N4BP1: variants seen among roughly 807,000 people sequenced by gnomAD.
The protein encoded by N4BP1 is NEDD4 binding protein 1.
N4BP1 carries 21 observed loss-of-function variants against 70.9 expected under a neutral mutation model. That is an observed-to-expected ratio of 0.30 (90% CI 0.21 to 0.43). The LOEUF (loss-of-function observed/expected upper bound fraction) is 0.43. Among genes scored for constraint, N4BP1 ranks in the 20% least tolerant of loss-of-function variants. The probability of loss-of-function intolerance (pLI) is 1.00; values close to 1 mark genes in which losing one functional copy is unlikely to be tolerated. For synonymous variants in N4BP1, 387 were observed against 394.6 expected, an observed-to-expected ratio of 0.98 and a Z score of 0.23; for missense variants, 936 against 1,069.4, an observed-to-expected ratio of 0.88 and a Z score of 1.74.
rs756303566 is a variant in N4BP1, at chr16:48,609,865, G to A, written c.108C>T (p.Ala36=). 1.2e-5 allele frequency: 18 copies of A among 1,486,922 alleles called. No homozygotes were observed. The highest frequency in any genetic ancestry group is 1.2e-5 in the Non-Finnish European group (13 of 1,122,348). The allele number at this position is 1,486,922 out of a possible 1,614,324, so 92.1% of individuals were successfully genotyped here. ...CCTCAGCCCCTAGCGCGCCGAGCAC[G>A]GCTAGGCTCACGCCAAACAGGCCCT... ...RIEGLFGVSL[A]VLGALGAEEP... is the part of the protein sequence containing the mutation. The change falls in exon 1 of 7, where the codon GCC becomes GCT. Residue 36 remains alanine (A), a synonymous_variant. Transcript: ENST00000262384.
intron 2 of N4BP1, among the ~76,000 whole-genome samples, chr16:48,558,185 A>G (rs969801048): frequency 1.3e-5 from 2 of 152,100 alleles, no homozygotes; most frequent in African/African-American, 4.8e-5. Context: ...AATTAAGTAC[A>G]AGTCTGTCTT....
At chr16:48,547,339 G>A (rs544625286) in intron 5 of N4BP1, among the ~76,000 whole-genome samples, 1 of 152,292 alleles carries the variant, frequency 6.6e-6, no homozygotes, top group East Asian at 1.9e-4. Context: ...GGTGATACTG[G>A]TTAACCAAAA....
At chr16:48,581,884 C>T (rs1302038208) in intron 1 of N4BP1, among the ~76,000 whole-genome samples, 1 of 152,058 alleles carries the variant, frequency 6.6e-6, no homozygotes, top group Non-Finnish European at 1.5e-5. Flanking sequence ...AGCTTCACGA[C>T]ATTGGTCTGG....
At chr16:48,555,301 CA>C (rs1471985599) in intron 2 of N4BP1, among the ~76,000 whole-genome samples, 2 of 151,794 alleles carry the variant, frequency 1.3e-5, no homozygotes, top group Non-Finnish European at 2.9e-5. Context: ...GTTGCAGAGC[CA>C]GGGGGATGAG....
chr16:48,601,923 T>C (rs1250124590), intron 1 of N4BP1, among the ~76,000 whole-genome samples: 1 of 152,176 alleles, frequency 6.6e-6, no homozygotes, highest in Non-Finnish European at 1.5e-5. Context: ...GTTGTTTCCA[T>C]ATGAAAAACT....
At chr16:48,555,138 T>G (rs1004208828) in intron 2 of N4BP1, among the ~76,000 whole-genome samples, 1 of 152,262 alleles carries the variant, frequency 6.6e-6, no homozygotes, top group Non-Finnish European at 1.5e-5. Flanking sequence ...CTGGCCCGTC[T>G]TCTTCTATGA....
intron 2 of N4BP1, 89 bp downstream of exon 2, chr16:48,560,665 A>T: frequency 6.9e-7 from 1 of 1,448,912 alleles, no homozygotes. Context: ...TATATACAAC[A>T]TGTATGTATA....
chr16:48,579,218 T>G (rs1292578866), intron 1 of N4BP1, among the ~76,000 whole-genome samples: 2 of 152,126 alleles, frequency 1.3e-5, no homozygotes, highest in African/African-American at 4.8e-5. Context: ...GAACAGGAAT[T>G]AGGAGGTTCA....
rs979000244 is a variant in N4BP1, at chr16:48,542,643, A to G, written c.*261T>C. ...GTAAATACACTCAAGAGTAACTGCT[A>G]TTAAACAGTTCTGAACAGGCAGAAA... On this transcript the variant is annotated 3_prime_UTR_variant, in exon 7 of 7. Coordinates refer to ENST00000262384, the MANE Select transcript of N4BP1 (RefSeq NM_153029.4). 5.7e-5 allele frequency: 20 copies of G among 349,850 alleles called. No individual in the cohort carries two copies. Among genetic ancestry groups the G allele is most frequent in the Non-Finnish European group, 9.7e-5 (19 of 195,870 alleles). The allele number at this position is 349,850 out of a possible 1,614,324, so 21.7% of individuals were successfully genotyped here.
Position 48,592,255 on chromosome 16 carries a change from G to A in N4BP1, c.198+17520C>T, listed in dbSNP as rs549009863. Among the ~76,000 whole-genome samples, 32 of 152,226 alleles carry A rather than the reference G, an allele frequency of 2.1e-4. 1 individual carries two copies. The highest frequency in any genetic ancestry group is 4.1e-4 in the South Asian group (2 of 4,824). Reference sequence around the variant, plus strand: ...CCAGAACAGAAACAAAAACAAAATCGGCTGACTGGGTTTGGGTTGCCAGGC... The same window carrying A: ...CCAGAACAGAAACAAAAACAAAATCAGCTGACTGGGTTTGGGTTGCCAGGC... On this transcript the variant is annotated intron_variant, in intron 1 of 6. Transcript: ENST00000262384.
intron 1 of N4BP1, among the ~76,000 whole-genome samples, chr16:48,590,103 T>C (rs561888124): frequency 1.3e-5 from 2 of 152,292 alleles, no homozygotes; most frequent in African/African-American, 4.8e-5. Context: ...AACATCACTA[T>C]TGTAAAACCT....
Position 48,540,129 on chromosome 16 carries a change from T to G in N4BP1, c.*2775A>C, listed in dbSNP as rs3743779. 61,476 of 152,434 alleles carry G rather than the reference T, an allele frequency of 0.4. 13,379 individuals are homozygous for G. The highest frequency in any genetic ancestry group is 0.56 in the African/African-American group (23,397 of 41,480). The allele number at this position is 152,434 out of a possible 1,614,324, so 9.4% of individuals were successfully genotyped here. ...CAGACGGAGGTGAGCCAGAGACACC[T>G]CCTGGGCAAGTCGGCCAGGAGGCGG... is the stretch of plus-strand genomic sequence containing the variant. On this transcript the variant is annotated 3_prime_UTR_variant, in exon 7 of 7. Transcript: ENST00000262384.
rs1048177250 is a variant in N4BP1 at position 48,540,455 on chromosome 16, A to G, written c.*2449T>C. ...GCCTAGCAACGCTGACCGGCCGCCC[A>G]GGATGGCCCAGACACCTTCTGTCTC... On this transcript the variant is annotated 3_prime_UTR_variant, in exon 7 of 7. Coordinates refer to ENST00000262384, the MANE Select transcript of N4BP1 (RefSeq NM_153029.4). The G allele has an allele frequency of 6.6e-6, 1 of 152,490 alleles. No individual in the cohort carries two copies. The highest frequency in any genetic ancestry group is 2.4e-5 in the African/African-American group (1 of 41,476). The allele number at this position is 152,490 out of a possible 1,614,324, so 9.4% of individuals were successfully genotyped here.
At chr16:48,590,998 G>T (rs1597109671) in intron 1 of N4BP1, among the ~76,000 whole-genome samples, 1 of 152,178 alleles carries the variant, frequency 6.6e-6, no homozygotes, top group Non-Finnish European at 1.5e-5. Flanking sequence ...ATTGGTTAGG[G>T]ATCTTGATTT....
chr16:48,553,510 A>C, intron 3 of N4BP1, 29 bp downstream of exon 3: 1 of 1,522,438 alleles, frequency 6.6e-7, no homozygotes, highest in Non-Finnish European at 8.8e-7. Flanking sequence ...ACATTTCACT[A>C]GAAATCTGAA....
intron 4 of N4BP1, among the ~76,000 whole-genome samples, chr16:48,549,480 A>G (rs1164000132): frequency 6.6e-6 from 1 of 152,206 alleles, no homozygotes; most frequent in Non-Finnish European, 1.5e-5. Flanking sequence ...GTGTGTTCCA[A>G]CGCTGCTGGT....
chr16:48,603,364 C>T (rs1043691565), intron 1 of N4BP1, among the ~76,000 whole-genome samples: 5 of 151,908 alleles, frequency 3.3e-5, no homozygotes, highest in Admixed American at 1.3e-4. Context: ...CTAGGCCTCT[C>T]GGTGGCTACT....
chr16:48,566,365 A>G lies in N4BP1; in HGVS notation c.199-3921T>C, dbSNP rs369988475. Among the ~76,000 whole-genome samples the G allele has an allele frequency of 5.9e-5, 9 of 152,098 alleles. No individual in the cohort carries two copies. In the South Asian group the frequency reaches 1.2e-3, roughly 21 times the overall value. On this transcript the variant is annotated intron_variant, in intron 1 of 6. Transcript: ENST00000262384. ...CAGCCTCTTCTTTTCTAATGTAAGC[A>G]TTTAAGTGGCAGAAGTTTCCCTTTC...
intron 1 of N4BP1, among the ~76,000 whole-genome samples, chr16:48,595,456 C>CAAA (rs373163833): frequency 0.031 from 1,775 of 57,378 alleles, 258 homozygotes; most frequent in African/African-American, 0.1. Flanking sequence ...GACTCTGTCT[C>CAAA]AAAAAAAAAA....
Sources: gnomAD v4.1 joint callset for allele counts (sites outside exome capture counted in the v4.1 genomes callset) on GRCh38, gnomAD v4.1.1 for gene constraint, MANE v1.5 for transcripts, NCBI Gene and HGNC (gene_info 2026-07-23, HGNC 2026-07-21) for gene names.